Variants in GLRA1 observed in about 807,000 individuals in gnomAD.
The protein encoded by GLRA1 is glycine receptor subunit alpha-1.
Under a neutral mutation model 48.3 loss-of-function variants are expected in GLRA1, and 37 were observed. The ratio of observed to expected loss-of-function variants is 0.77; its 90% CI spans 0.59 to 1.01. The LOEUF (loss-of-function observed/expected upper bound fraction) is 1.01, where lower values mean the gene tolerates loss of function less well. Ranked by LOEUF, GLRA1 falls within the 50% of genes least tolerant of loss-of-function variation. GLRA1 has a pLI of 0.00. For synonymous variants in GLRA1, 196 were observed against 210.7 expected (o/e 0.93, Z 0.60); for missense variants, 427 against 571.0 (o/e 0.75, Z 2.57).
intron 1 of GLRA1, among the ~76,000 whole-genome samples, chr5:151,898,064 G>A (rs1581654272): frequency 6.6e-6 from 1 of 152,136 alleles, no homozygotes; most frequent in Admixed American, 6.5e-5. Flanking sequence ...TGGAGGCAGG[G>A]TGATATAATG....
In GLRA1 at chr5:151,870,529, T is replaced by C. The variant is rs1393295749; in HGVS notation, c.253-10521A>G. Among the ~76,000 whole-genome samples, 3 of 150,084 alleles carry C rather than the reference T, an allele frequency of 2.0e-5. No individual in the cohort carries two copies. In the East Asian group the frequency reaches 5.8e-4, roughly 29 times the overall value. On this transcript the variant is annotated intron_variant, in intron 3 of 8. Transcript: ENST00000274576. ...TAATCTCAATGACTTAGGATGGGCATGTGCTTGTAATGTAATGAGAAGAAC... is the reference window on the plus strand; with the variant it reads ...TAATCTCAATGACTTAGGATGGGCACGTGCTTGTAATGTAATGAGAAGAAC...
chr5:151,850,382 A>G, intron 7 of GLRA1: 2 of 1,315,088 alleles, frequency 1.5e-6, no homozygotes, highest in Admixed American at 3.4e-5. Flanking sequence ...GAGTGATAGC[A>G]ACCTTTGATC....
chr5:151,844,204 C>T (rs1752604681), intron 7 of GLRA1, among the ~76,000 whole-genome samples: 1 of 151,184 alleles, frequency 6.6e-6, no homozygotes, highest in Non-Finnish European at 1.5e-5. Flanking sequence ...TCTTCCCTCA[C>T]ATCACATATA....
intron 3 of GLRA1, among the ~76,000 whole-genome samples, chr5:151,861,363 T>A (rs1229392803): frequency 6.6e-6 from 1 of 152,238 alleles, no homozygotes; most frequent in Admixed American, 6.5e-5. Context: ...AGTGTTCCTA[T>A]TTCTCCACAT....
In GLRA1 at chr5:151,851,579, C is replaced by G. The variant is rs76872663; in HGVS notation, c.723G>C (p.Arg241=). The G allele has an allele frequency of 7.3e-4, 1,175 of 1,613,588 alleles. 8 individuals are homozygous for G. The African/African-American group carries it at 0.014, about 19-fold the overall frequency. Reference sequence around the variant, plus strand: ...AACCCATCTGCCGCTCCAGGTGGAACCGGGCCTCAATGCAGGTGAATTTAC... The same window carrying G: ...AACCCATCTGCCGCTCCAGGTGGAAGCGGGCCTCAATGCAGGTGAATTTAC... ...NTGKFTCIEA[R]FHLERQMGYY... is the part of the protein sequence containing the mutation. Residue 241 remains arginine (R), a synonymous_variant, in exon 7 of 9, where the codon CGG becomes CGC. Coordinates refer to ENST00000274576, the MANE Select transcript of GLRA1 (RefSeq NM_000171.4).
At chr5:151,880,384 TG>T (rs1373970665) in intron 3 of GLRA1, among the ~76,000 whole-genome samples, 1 of 152,236 alleles carries the variant, frequency 6.6e-6, no homozygotes, top group Admixed American at 6.5e-5. Flanking sequence ...TCCTGACTCC[TG>T]GTTCAGATCT....
chr5:151,829,765 C>G (rs1027393663), intron 7 of GLRA1, among the ~76,000 whole-genome samples: 1 of 152,184 alleles, frequency 6.6e-6, no homozygotes, highest in African/African-American at 2.4e-5. Flanking sequence ...TGTCACCTCT[C>G]TATTCCCCCA....
chr5:151,863,964 C>T (rs1753268331), intron 3 of GLRA1, among the ~76,000 whole-genome samples: 1 of 152,204 alleles, frequency 6.6e-6, no homozygotes, highest in African/African-American at 2.4e-5. Flanking sequence ...CATTTGGCCT[C>T]ATAATCTCAC....
chr5:151,873,600 C>T (rs1752579091), intron 3 of GLRA1, among the ~76,000 whole-genome samples: 1 of 149,026 alleles, frequency 6.7e-6, no homozygotes, highest in East Asian at 2.0e-4. Flanking sequence ...GTGGAGGTTG[C>T]AGTGAGCCGA....
chr5:151,920,863 C>G (rs984702505), intron 1 of GLRA1, among the ~76,000 whole-genome samples: 6 of 152,178 alleles, frequency 3.9e-5, no homozygotes, highest in Non-Finnish European at 7.3e-5. Context: ...AGACAGTCAT[C>G]TGCCCTTCTT....
chr5:151,883,149 G>T (rs1490288114), intron 3 of GLRA1, among the ~76,000 whole-genome samples: 3 of 152,132 alleles, frequency 2.0e-5, no homozygotes, highest in African/African-American at 4.8e-5. Context: ...TGTCATTTGT[G>T]GTCTACCCTC....
intron 3 of GLRA1, among the ~76,000 whole-genome samples, chr5:151,880,646 C>G (rs568062048): frequency 2.0e-5 from 3 of 152,294 alleles, no homozygotes; most frequent in East Asian, 1.9e-4. Context: ...ATATACAGTT[C>G]TACACAAATT....
intron 1 of GLRA1, among the ~76,000 whole-genome samples, chr5:151,917,557 T>A (rs370077879): frequency 9.2e-5 from 14 of 152,226 alleles, no homozygotes; most frequent in African/African-American, 3.4e-4. Flanking sequence ...TGCCATAAAC[T>A]ATCAATCACC....
At position 151,913,135 on chromosome 5, in the gene GLRA1, G is replaced by A. The variant is rs112679075; in HGVS notation, c.56+11359C>T. The stretch of plus-strand genomic sequence containing the variant: ...GGAAATTACCGTTTGTTAAGGGATT[G>A]TGCTCTGATAGGAAAATGTGTTTGA... On this transcript the variant is annotated intron_variant, in intron 1 of 8. Transcript: ENST00000274576. Among the ~76,000 whole-genome samples, 313 of 152,322 alleles carry A rather than the reference G, an allele frequency of 2.1e-3. 4 individuals are homozygous for A. Among genetic ancestry groups the A allele is most frequent in the African/African-American group, 7.0e-3 (291 of 41,572 alleles).
intron 7 of GLRA1, among the ~76,000 whole-genome samples, chr5:151,843,324 G>A (rs867885356): frequency 3.0e-4 from 44 of 145,758 alleles, no homozygotes; most frequent in African/African-American, 7.6e-4. Context: ...GCAATGGTGC[G>A]ATCTCAGCTC....
At chr5:151,887,596 T>C (rs1357345260) in intron 2 of GLRA1, among the ~76,000 whole-genome samples, 1 of 152,232 alleles carries the variant, frequency 6.6e-6, no homozygotes, top group Non-Finnish European at 1.5e-5. Context: ...TATTTGTTCA[T>C]GCCTACATAA....
chr5:151,823,922 G>A lies in GLRA1; in HGVS notation c.1060-959C>T, dbSNP rs115522681. Among the ~76,000 whole-genome samples, 856 of 151,910 alleles carry A rather than the reference G, an allele frequency of 5.6e-3. 8 individuals carry two copies. The highest frequency in any genetic ancestry group is 0.02 in the African/African-American group (814 of 41,424). The stretch of plus-strand genomic sequence containing the variant: ...CCTCATGTCCAGCTTTGTTATCGTT[G>A]CATGTGAGCTCTGAGGAGGAATTGA... On this transcript the variant is annotated intron_variant, in intron 8 of 8. Transcript: ENST00000274576.
rs555222589 is a variant in GLRA1, at chr5:151,822,704, A to G, written c.1319T>C (p.Ile440Thr). 75 of 1,613,786 alleles carry G rather than the reference A, an allele frequency of 4.6e-5. No homozygotes were observed. Among genetic ancestry groups the G allele is most frequent in the Non-Finnish European group, 6.0e-5 (71 of 1,179,756 alleles). Residue 440 changes from isoleucine (I) to threonine (T), a missense_variant, in exon 9 of 9, where the codon ATT becomes ACT. By Grantham distance (89) the Ile-to-Thr change is moderately conservative. Around this residue, in one of 4 missense-constraint regions of GLRA1, gnomAD observed 121 missense variants for 96.5 expected, o/e 1.25. Coordinates refer to ENST00000274576, the MANE Select transcript of GLRA1 (RefSeq NM_000171.4). ...FNMFYWIIYKIVRREDVHNQ is the reference protein window; with the variant it reads ...FNMFYWIIYKTVRREDVHNQ ...GTTGTGGACGTCCTCTCTACGGACA[A>G]TCTTGTAGATGATCCAGTAGAACAT...
At chr5:151,886,907 C>T (rs1753922622) in intron 2 of GLRA1, 119 bp from the exon 3 acceptor site, 1 of 781,268 alleles carries the variant, frequency 1.3e-6, no homozygotes, top group Non-Finnish European at 2.3e-6. Context: ...GAGATCCTTG[C>T]TTGCTCTCCA....
Sources: gnomAD v4.1 joint callset for allele counts (sites outside exome capture counted in the v4.1 genomes callset) on GRCh38, gnomAD v4.1.1 for gene constraint, gnomAD v4.1.1 regional missense constraint, MANE v1.5 for transcripts, NCBI Gene and HGNC (gene_info 2026-07-23, HGNC 2026-07-21) for gene names.